Variants in KIAA1328 observed in about 807,000 individuals in gnomAD.
The protein encoded by KIAA1328 is protein hinderin.
In KIAA1328, 52 loss-of-function variants were observed where a neutral mutation model predicts 68.1. The observed-to-expected ratio is 0.76, with a 90% CI of 0.61 to 0.96. The LOEUF is 0.96. KIAA1328 is among the 40% of genes least tolerant of loss of function. KIAA1328 has a pLI of 0.00. For missense variants in KIAA1328, 641 were observed against 677.6 expected, an observed-to-expected ratio of 0.95 and a Z score of 0.60; for synonymous variants, 232 against 239.4, an observed-to-expected ratio of 0.97 and a Z score of 0.28.
chr18:37,210,800 C>A (rs774682094), intron 9 of KIAA1328, among the ~76,000 whole-genome samples: 27 of 152,150 alleles, frequency 1.8e-4, no homozygotes, highest in Non-Finnish European at 3.1e-4. Context: ...TGGGTCATTT[C>A]TCAAGCTTTG....
intron 4 of KIAA1328, among the ~76,000 whole-genome samples, chr18:36,872,803 A>G (rs1413807439): frequency 6.6e-6 from 1 of 152,230 alleles, no homozygotes; most frequent in Non-Finnish European, 1.5e-5. Flanking sequence ...ATTTAAAATA[A>G]CTGATTAATA....
intron 7 of KIAA1328, among the ~76,000 whole-genome samples, chr18:37,143,904 A>C (rs2058837223): frequency 6.6e-6 from 1 of 152,074 alleles, no homozygotes; most frequent in Non-Finnish European, 1.5e-5. Flanking sequence ...ACCATTTTAT[A>C]TTATTTTATA....
chr18:37,160,471 T>C (rs574221285), intron 8 of KIAA1328, 90 bp downstream of exon 8: 64 of 1,191,106 alleles, frequency 5.4e-5, no homozygotes, highest in Middle Eastern at 2.6e-4. Flanking sequence ...CCTACAATGC[T>C]GAGCAAAAGT....
chr18:37,220,106 T>C (rs1346536842), intron 9 of KIAA1328, among the ~76,000 whole-genome samples: 1 of 152,226 alleles, frequency 6.6e-6, no homozygotes, highest in Non-Finnish European at 1.5e-5. Flanking sequence ...AATATGAATT[T>C]TAGTTTATAT....
rs200965083 is a variant in KIAA1328 at position 37,165,969 on chromosome 18, CATGTT to C, written c.1414+5594_1414+5598del. ...AAATCTTTTTTTCTGTACTTACAATCATGTTATGTTTTTTCTTCTCAGAAGGTAGT... is the reference window on the plus strand; with the variant it reads ...AAATCTTTTTTTCTGTACTTACAATCATGTTTTTTCTTCTCAGAAGGTAGT... On this transcript the variant is annotated intron_variant, in intron 8 of 9. Transcript: ENST00000280020. 6.8e-3 allele frequency among the ~76,000 whole-genome samples: 1,026 copies of C among 151,350 alleles called. 17 individuals are homozygous for C. The highest frequency in any genetic ancestry group is 0.023 in the African/African-American group (950 of 41,234).
At chr18:37,118,075 G>A (rs1347521750) in intron 7 of KIAA1328, among the ~76,000 whole-genome samples, 3 of 150,212 alleles carry the variant, frequency 2.0e-5, no homozygotes, top group African/African-American at 2.5e-5. Context: ...GCTTACTGCA[G>A]CCTTCACCTC....
chr18:36,951,510 T>C (rs2051159989), intron 5 of KIAA1328, among the ~76,000 whole-genome samples: 1 of 152,164 alleles, frequency 6.6e-6, no homozygotes. Context: ...CCCTGGACAA[T>C]TTTACCCACT....
chr18:37,003,391 A>C (rs769257690), intron 6 of KIAA1328, among the ~76,000 whole-genome samples: 1 of 152,156 alleles, frequency 6.6e-6, no homozygotes, highest in Non-Finnish European at 1.5e-5. Flanking sequence ...TCAACAGAGT[A>C]ATCAGACAAC....
chr18:37,176,497 C>G (rs1176213855), intron 9 of KIAA1328, among the ~76,000 whole-genome samples: 1 of 152,198 alleles, frequency 6.6e-6, no homozygotes, highest in Admixed American at 6.5e-5. Flanking sequence ...ACTTCTGGCT[C>G]TCCACACTGA....
intron 4 of KIAA1328, among the ~76,000 whole-genome samples, chr18:36,845,669 A>C (rs893462708): frequency 1.3e-5 from 2 of 151,826 alleles, no homozygotes; most frequent in African/African-American, 2.4e-5. Context: ...AAGGGGAAAA[A>C]GTGACATATA....
intron 6 of KIAA1328, among the ~76,000 whole-genome samples, chr18:36,996,122 A>G (rs2053381954): frequency 6.6e-6 from 1 of 152,216 alleles, no homozygotes; most frequent in Admixed American, 6.5e-5. Context: ...CACAGGTATT[A>G]TTAGGCACAC....
At chr18:36,933,534 C>T (rs1398940039) in intron 5 of KIAA1328, among the ~76,000 whole-genome samples, 3 of 152,244 alleles carry the variant, frequency 2.0e-5, no homozygotes, top group African/African-American at 4.8e-5. Context: ...GCACATTTCA[C>T]CCTTCACAGT....
chr18:36,986,025 G>T (rs1259816462), intron 6 of KIAA1328, among the ~76,000 whole-genome samples: 1 of 152,098 alleles, frequency 6.6e-6, no homozygotes, highest in Non-Finnish European at 1.5e-5. Flanking sequence ...AGGTAAAATT[G>T]TACAACTACC....
Position 37,112,613 on chromosome 18 carries a change from G to A in KIAA1328, c.1232+45068G>A, listed in dbSNP as rs190989653. 3.3e-5 allele frequency among the ~76,000 whole-genome samples: 5 copies of A among 152,312 alleles called. No homozygotes were observed. In the East Asian group the frequency reaches 5.8e-4, roughly 18 times the overall value. On this transcript the variant is annotated intron_variant, in intron 7 of 9. Transcript: ENST00000280020. ...AGCGCCTCTTCTCCTCCAAAGGAAC[G>A]CAGGTCCTCACCTGCAACGGAACAA...
intron 6 of KIAA1328, among the ~76,000 whole-genome samples, chr18:36,967,484 A>AT (rs1335160352): frequency 1.3e-5 from 2 of 152,242 alleles, no homozygotes; most frequent in Non-Finnish European, 2.9e-5. Context: ...TTTGACCTAC[A>AT]TAACTGTGAG....
chr18:36,896,257 A>T (rs1173019490), intron 5 of KIAA1328, among the ~76,000 whole-genome samples: 2 of 151,982 alleles, frequency 1.3e-5, no homozygotes, highest in Middle Eastern at 6.3e-3. Flanking sequence ...ATCATTTTGT[A>T]TTATTTTTTG....
intron 7 of KIAA1328, among the ~76,000 whole-genome samples, chr18:37,134,429 A>G (rs900014373): frequency 2.6e-5 from 4 of 152,150 alleles, no homozygotes; most frequent in African/African-American, 9.7e-5. Context: ...AAAGTAATAA[A>G]CCTATTATAA....
chr18:37,210,746 AT>A (rs1338713676), intron 9 of KIAA1328, among the ~76,000 whole-genome samples: 3 of 152,156 alleles, frequency 2.0e-5, no homozygotes, highest in Non-Finnish European at 2.9e-5. Flanking sequence ...ATAGGAATTC[AT>A]TTTTTATTTT....
rs2060626346 is a variant in KIAA1328, at chr18:37,225,256, T to A, written c.*3029T>A. 1.0e-6 allele frequency: 1 copy of A among 985,198 alleles called. No individual in the cohort carries two copies. The highest frequency in any genetic ancestry group is 1.2e-6 in the Non-Finnish European group (1 of 829,902). 61.0% of individuals were successfully genotyped at this position (985,198 alleles called of 1,614,324 possible). A position where few individuals can be genotyped will look rare whatever the true frequency, so the allele number is the denominator to read the frequency against. Reference sequence around the variant, plus strand: ...CTCACGATTTATCCTCAGCTCAGAGTGTATTTTGAATATGAGCAAATGTTT... The same window carrying A: ...CTCACGATTTATCCTCAGCTCAGAGAGTATTTTGAATATGAGCAAATGTTT... On this transcript the variant is annotated 3_prime_UTR_variant, in exon 10 of 10. Transcript: ENST00000280020.
Sources: allele counts gnomAD v4.1 joint callset (sites outside exome capture counted in the v4.1 genomes callset), GRCh38; gene constraint gnomAD v4.1.1; transcripts MANE v1.5; gene names NCBI Gene and HGNC (gene_info 2026-07-23, HGNC 2026-07-21).